Variants in NME1 observed in about 807,000 individuals in gnomAD.
The protein encoded by NME1 is nucleoside diphosphate kinase A.
In NME1, 9 loss-of-function variants were observed where a neutral mutation model predicts 17.2. That is an observed-to-expected ratio of 0.52 (90% CI 0.32 to 0.92). NME1 has a LOEUF of 0.92. NME1 is among the 40% of genes least tolerant of loss of function. NME1 has a pLI of 0.04. For synonymous variants in NME1, 72 were observed against 70.8 expected, an observed-to-expected ratio of 1.02 and a Z score of -0.09; for missense variants, 169 against 201.7, an observed-to-expected ratio of 0.84 and a Z score of 0.98.
At position 51,161,726 on chromosome 17, in the gene NME1, A is replaced by G. The variant is rs776648735; in HGVS notation, c.342-2A>G. On this transcript the variant is annotated splice_acceptor_variant, in intron 4 of 4. Coordinates refer to ENST00000393196, the MANE Select transcript of NME1 (RefSeq NM_000269.3). LOFTEE classifies it high-confidence loss of function. ...CATGTGACTATCTCTTTCTCCACCC[A>G]GGAACATTATACATGGCAGTGATTC... The G allele has an allele frequency of 1.9e-6, 3 of 1,610,576 alleles. No homozygotes were observed. The highest frequency in any genetic ancestry group is 2.2e-5 in the East Asian group (1 of 44,872).
intron 2 of NME1, chr17:51,156,241 G>A (rs1195203675): frequency 4.6e-6 from 1 of 217,118 alleles, no homozygotes; most frequent in Non-Finnish European, 9.4e-6. Context: ...AGGAGCTGGT[G>A]GAGGAAAACT....
Position 51,155,725 on chromosome 17 carries a change from T to C in NME1, c.71T>C (p.Ile24Thr). 1.2e-6 allele frequency: 2 copies of C among 1,614,104 alleles called. No individual in the cohort carries two copies. The highest frequency in any genetic ancestry group is 8.5e-7 in the Non-Finnish European group (1 of 1,179,994). The change falls in exon 2 of 5, where the codon ATT becomes ACT. Residue 24 changes from isoleucine to threonine, a missense_variant. Ile to Thr is a moderately conservative substitution (Grantham distance 89). Coordinates refer to ENST00000393196, the MANE Select transcript of NME1 (RefSeq NM_000269.3). ...DGVQRGLVGE[I>T]IKRFEQKGFR... The stretch of plus-strand genomic sequence containing the variant: ...GTCCAGCGGGGTCTTGTGGGAGAGA[T>C]TATCAAGCGTTTTGAGCAGAAAGGA...
At chr17:51,154,208 C>T in intron 1 of NME1, 4 of 591,550 alleles carry the variant, frequency 6.8e-6, no homozygotes, top group Non-Finnish European at 1.3e-5. Context: ...ATTTTCTTTG[C>T]TCCTATTGAC....
chr17:51,162,115 C>T lies in NME1; in HGVS notation c.*270C>T, dbSNP rs865775094. 4.9e-6 allele frequency: 2 copies of T among 404,084 alleles called. No individual in the cohort carries two copies. Among genetic ancestry groups the T allele is most frequent in the South Asian group, 2.5e-5 (1 of 39,956 alleles). 25.0% of individuals were successfully genotyped at this position (404,084 alleles called of 1,614,324 possible). ...TTTCATGTACACTGAATAACCTGAC[C>T]TAATAGAGAGTGTAAATACTATAAA... On this transcript the variant is annotated 3_prime_UTR_variant, in exon 5 of 5. Transcript: ENST00000393196.
chr17:51,161,913 G>A lies in NME1; in HGVS notation c.*68G>A. On this transcript the variant is annotated 3_prime_UTR_variant, in exon 5 of 5. Coordinates refer to ENST00000393196, the MANE Select transcript of NME1 (RefSeq NM_000269.3). ...CTTCCCATGGGCAGAGGACCAGGCT[G>A]TAGGAAATCTAGTTATTTACAGGAA... is the stretch of plus-strand genomic sequence containing the variant. 2 of 1,008,348 alleles carry A rather than the reference G, an allele frequency of 2.0e-6. No individual in the cohort carries two copies. Among genetic ancestry groups the A allele is most frequent in the Non-Finnish European group, 3.2e-6 (2 of 633,648 alleles). 62.5% of individuals were successfully genotyped at this position (1,008,348 alleles called of 1,614,324 possible).
rs189961009 is a variant in NME1, at chr17:51,156,800, G to A, written c.126+1020G>A. ...CCAGCTACTCGGGAGGCTGAGACAG[G>A]AGAATCGCTTGAACTGGGGAGGTGG... On this transcript the variant is annotated intron_variant, in intron 2 of 4. Transcript: ENST00000393196. Among the ~76,000 whole-genome samples, 776 of 150,840 alleles carry A rather than the reference G, an allele frequency of 5.1e-3. 8 individuals carry two copies. The highest frequency in any genetic ancestry group is 0.018 in the African/African-American group (746 of 40,970).
chr17:51,160,440 C>G, intron 3 of NME1: 1 of 374,984 alleles, frequency 2.7e-6, no homozygotes, highest in Non-Finnish European at 5.1e-6. Flanking sequence ...ATGAGCTTGG[C>G]TTTTTGAAGT....
chr17:51,154,399 TC>T (rs777352186), intron 1 of NME1: 94 of 1,613,962 alleles, frequency 5.8e-5, no homozygotes, highest in African/African-American at 1.3e-5. Flanking sequence ...ACTTTAGGGA[TC>T]GTCTTTCAAG....
chr17:51,158,818 G>T (rs188029306), intron 2 of NME1, among the ~76,000 whole-genome samples: 1 of 152,348 alleles, frequency 6.6e-6, no homozygotes, highest in African/African-American at 2.4e-5. Flanking sequence ...GCCAAACTGA[G>T]TTGAAACTGC....
intron 1 of NME1, chr17:51,154,157 C>CTTTTTTTTT (rs200349379): frequency 1.9e-6 from 1 of 528,286 alleles, no homozygotes; most frequent in Non-Finnish European, 3.4e-6. Context: ...TTGTCTCTCT[C>CTTTTTTTTT]TCTTTTTTTT....
At chr17:51,161,372 G>T in intron 4 of NME1, 100 bp downstream of exon 4, 2 of 1,155,628 alleles carry the variant, frequency 1.7e-6, no homozygotes, top group Non-Finnish European at 2.5e-6. Context: ...CCATATGCAG[G>T]TTGATTTTAT....
intron 4 of NME1, 134 bp downstream of exon 4, chr17:51,161,406 C>T (rs1232622261): frequency 8.6e-6 from 8 of 933,512 alleles, no homozygotes; most frequent in African/African-American, 1.6e-5. Flanking sequence ...TTTCCTCCCT[C>T]TTAAGTTGGC....
In NME1 at chr17:51,161,820, G is replaced by C; in HGVS notation, c.434G>C (p.Cys145Ser). 6.2e-7 allele frequency: 1 copy of C among 1,613,362 alleles called. No homozygotes were observed. Among genetic ancestry groups the C allele is most frequent in the Non-Finnish European group, 8.5e-7 (1 of 1,179,310 alleles). ...HPEELVDYTS[C>S]AQNWIYE ...GAGGAACTGGTAGATTACACGAGCT[G>C]TGCTCAGAACTGGATCTATGAATGA... Residue 145 changes from cysteine (C) to serine (S), a missense_variant, in exon 5 of 5, where the codon TGT (cysteine) becomes TCT (serine). Physicochemically the swap from Cys to Ser is moderately radical, Grantham distance 112 (BLOSUM62 -1). Coordinates refer to ENST00000393196, the MANE Select transcript of NME1 (RefSeq NM_000269.3).
rs1012132133 is a variant in NME1 at position 51,153,639 on chromosome 17, G to C, written c.-28G>C. 9.2e-5 allele frequency: 14 copies of C among 152,924 alleles called. No homozygotes were observed. Among genetic ancestry groups the C allele is most frequent in the South Asian group, 2.1e-4 (1 of 4,864 alleles). The allele number at this position is 152,924 out of a possible 1,614,324, so 9.5% of individuals were successfully genotyped here. ...TCGGGTGCTGGCGGCTGCAGCCGGA[G>C]TTCAAACCTAAGCAGCTGGAAGGGT... is the stretch of plus-strand genomic sequence containing the variant. On this transcript the variant is annotated 5_prime_UTR_variant, in exon 1 of 5. Coordinates refer to ENST00000393196, the MANE Select transcript of NME1 (RefSeq NM_000269.3).
intron 2 of NME1, chr17:51,156,573 G>C (rs938215092): frequency 2.6e-5 from 4 of 152,544 alleles, no homozygotes; most frequent in African/African-American, 9.7e-5. Flanking sequence ...TGTAATCCCA[G>C]CTATTCGGCA....
At chr17:51,156,539 T>C (rs982797014) in intron 2 of NME1, 4 of 152,666 alleles carry the variant, frequency 2.6e-5, no homozygotes, top group African/African-American at 9.7e-5. Context: ...ATACAAAAAT[T>C]AGCTGGGCAT....
intron 1 of NME1, chr17:51,154,225 G>T: frequency 1.4e-6 from 1 of 735,550 alleles, no homozygotes; most frequent in Non-Finnish European, 2.5e-6. Context: ...TGACTGCTAG[G>T]CCCTGTGGCT....
intron 2 of NME1, among the ~76,000 whole-genome samples, chr17:51,158,725 A>G (rs764513167): frequency 2.6e-5 from 4 of 152,198 alleles, no homozygotes; most frequent in African/African-American, 7.2e-5. Flanking sequence ...TATGCGTCAT[A>G]CAGTGCAGTA....
At chr17:51,160,977 TGAGGGCAGGGA>T in intron 3 of NME1, 172 bp from the exon 4 acceptor site, 1 of 735,936 alleles carries the variant, frequency 1.4e-6, no homozygotes, top group South Asian at 1.5e-5. Context: ...AAGGCAAGCA[TGAGGGCAGGGA>T]GATCAGGATC....
Sources: gnomAD v4.1 joint callset for allele counts (sites outside exome capture counted in the v4.1 genomes callset) on GRCh38, gnomAD v4.1.1 for gene constraint, MANE v1.5 for transcripts, NCBI Gene and HGNC (gene_info 2026-07-23, HGNC 2026-07-21) for gene names.